ITPR1: variants seen among roughly 807,000 people sequenced by gnomAD.
ITPR1 encodes the protein inositol 1,4,5-trisphosphate receptor type 1, also known as inositol 1,4,5-trisphosphate-gated calcium channel ITPR1.
ITPR1 carries 96 observed loss-of-function variants against 318.4 expected under a neutral mutation model. That is an observed-to-expected ratio of 0.30 (90% CI 0.26 to 0.36). The LOEUF (loss-of-function observed/expected upper bound fraction) is 0.36, where lower values mean the gene tolerates loss of function less well. Ranked by LOEUF, ITPR1 falls within the 10% of genes least tolerant of loss-of-function variation. The pLI, the probability that ITPR1 is intolerant of heterozygous loss-of-function variation, is 1.00. For synonymous variants in ITPR1, 1,312 were observed against 1,289.9 expected, an observed-to-expected ratio of 1.02 and a Z score of -0.37; for missense variants, 2,440 against 3,460.2, an observed-to-expected ratio of 0.71 and a Z score of 7.40.
intron 43 of ITPR1, among the ~76,000 whole-genome samples, chr3:4,734,962 G>A (rs941475080): frequency 1.3e-5 from 2 of 152,180 alleles, no homozygotes; most frequent in South Asian, 4.1e-4. Flanking sequence ...CATCTCTGCT[G>A]CTGACAAGCT....
At chr3:4,580,941 C>G (rs1225929660) in intron 4 of ITPR1, among the ~76,000 whole-genome samples, 1 of 152,112 alleles carries the variant, frequency 6.6e-6, no homozygotes, top group Non-Finnish European at 1.5e-5. Context: ...TCTGTAAATA[C>G]CAATCACGTT....
chr3:4,627,713 GTC>G, intron 4 of ITPR1, 48 bp from the exon 5 acceptor site: 1 of 1,083,064 alleles, frequency 9.2e-7, no homozygotes, highest in Non-Finnish European at 1.4e-6. Flanking sequence ...CTTAGGCTGA[GTC>G]TCTATACACC....
intron 4 of ITPR1, among the ~76,000 whole-genome samples, chr3:4,545,622 C>CA (rs56829358): frequency 0.1 from 7,110 of 68,196 alleles, 403 homozygotes; most frequent in African/African-American, 0.17. Flanking sequence ...GACCCGGTCT[C>CA]AAAAAAAAAA....
chr3:4,745,381 T>C (rs1303759392), intron 44 of ITPR1, among the ~76,000 whole-genome samples: 1 of 152,182 alleles, frequency 6.6e-6, no homozygotes, highest in Non-Finnish European at 1.5e-5. Flanking sequence ...ATTGTATATG[T>C]AGCCTGAGAG....
At chr3:4,689,915 A>C (rs1445938815) in intron 31 of ITPR1, among the ~76,000 whole-genome samples, 1 of 152,240 alleles carries the variant, frequency 6.6e-6, no homozygotes, top group Non-Finnish European at 1.5e-5. Flanking sequence ...GCACGTTCTC[A>C]ACAAAGAATT....
chr3:4,717,542 A>C (rs939625964), intron 40 of ITPR1, 143 bp downstream of exon 40: 2 of 751,072 alleles, frequency 2.7e-6, no homozygotes, highest in African/African-American at 3.5e-5. Context: ...GAGTGAGTGG[A>C]GTCTGTCGTG....
Position 4,693,648 on chromosome 3 carries a change from G to C in ITPR1, c.4188G>C (p.Glu1396Asp). The C allele has an allele frequency of 6.2e-7, 1 of 1,614,034 alleles. No individual in the cohort carries two copies. The highest frequency in any genetic ancestry group is 8.5e-7 in the Non-Finnish European group (1 of 1,179,894). The change falls in exon 33 of 62, where the codon GAG (glutamate) becomes GAC (aspartate). Residue 1396 changes from glutamate to aspartate, a missense_variant. By Grantham distance (45) the Glu-to-Asp change is conservative. This residue lies in a region of ITPR1 where 222 missense variants were observed against 318.8 expected (regional missense o/e 0.70). Transcript: ENST00000649015. ...TCGAGCTCCTGGCTGTGTGCACGGA[G>C]GGTAAGAATGTCTACACAGAGATCA... ...HLVELLAVCTEGKNVYTEIKC... is the reference protein window; with the variant it reads ...HLVELLAVCTDGKNVYTEIKC...
intron 4 of ITPR1, among the ~76,000 whole-genome samples, chr3:4,550,182 T>G (rs1345257313): frequency 6.6e-6 from 1 of 151,036 alleles, no homozygotes; most frequent in Non-Finnish European, 1.5e-5. Flanking sequence ...TTCTGGCTAT[T>G]AAAAGTTCTC....
At chr3:4,541,017 A>G (rs1026872434) in intron 4 of ITPR1, among the ~76,000 whole-genome samples, 2 of 152,144 alleles carry the variant, frequency 1.3e-5, no homozygotes, top group African/African-American at 2.4e-5. Flanking sequence ...AATTAACCCT[A>G]AAGTTTATAA....
intron 44 of ITPR1, among the ~76,000 whole-genome samples, chr3:4,738,720 T>C (rs1422367452): frequency 2.6e-5 from 4 of 151,868 alleles, no homozygotes; most frequent in Non-Finnish European, 5.9e-5. Context: ...CTTTATCTTG[T>C]AAGGTCATTA....
In ITPR1 at chr3:4,826,541, C is replaced by CCCAG. The variant is rs781167979; in HGVS notation, c.8028+8312_8028+8315dup. ...TGTGTCAGCGTCACTGGACTCGCCGCCCAGCCAGCCAGCCAGGCCTCTCTC... is the reference window on the plus strand; with the variant it reads ...TGTGTCAGCGTCACTGGACTCGCCGCCCAGCCAGCCAGCCAGCCAGGCCTCTCTC... On this transcript the variant is annotated intron_variant, in intron 60 of 61. Transcript: ENST00000649015. The surrounding 1 kb of genome is among the most constrained non-coding windows in gnomAD (Gnocchi z 4.2). Among the ~76,000 whole-genome samples the CCCAG allele has an allele frequency of 3.5e-4, 53 of 152,150 alleles. No homozygotes were observed. The highest frequency in any genetic ancestry group is 8.3e-4 in the South Asian group (4 of 4,834).
At chr3:4,573,814 T>C (rs112187657) in intron 4 of ITPR1, among the ~76,000 whole-genome samples, 235 of 152,332 alleles carry the variant, frequency 1.5e-3, no homozygotes, top group African/African-American at 5.2e-3. Context: ...TACCGTACTT[T>C]CTTTTCCTCT....
intron 61 of ITPR1, among the ~76,000 whole-genome samples, chr3:4,843,394 G>A (rs568700567): frequency 7.9e-5 from 12 of 152,236 alleles, no homozygotes; most frequent in African/African-American, 2.2e-4. Context: ...GATCTTGTCC[G>A]ATTTTGGAGA....
intron 23 of ITPR1, 111 bp downstream of exon 23, chr3:4,675,359 C>T (rs1264805635): frequency 1.3e-6 from 1 of 753,500 alleles, no homozygotes; most frequent in Non-Finnish European, 2.1e-6. Context: ...TCATTCCTTC[C>T]CAACTTTTCA....
At chr3:4,638,532 C>T (rs143884290) in intron 5 of ITPR1, among the ~76,000 whole-genome samples, 1 of 152,344 alleles carries the variant, frequency 6.6e-6, no homozygotes, top group East Asian at 1.9e-4. Flanking sequence ...ATGGTAACCT[C>T]TCCCAGTCTC....
chr3:4,845,681 A>G (rs2051714387), intron 61 of ITPR1, among the ~76,000 whole-genome samples: 1 of 152,112 alleles, frequency 6.6e-6, no homozygotes, highest in African/African-American at 2.4e-5. Context: ...CCAACTACTC[A>G]AGAGTCATTG....
intron 21 of ITPR1, among the ~76,000 whole-genome samples, 173 bp downstream of exon 21, chr3:4,673,560 A>T (rs2094128306): frequency 6.6e-6 from 1 of 152,140 alleles, no homozygotes; most frequent in South Asian, 2.1e-4. Context: ...GAAAGATGGC[A>T]TGATTATGTT....
intron 40 of ITPR1, among the ~76,000 whole-genome samples, chr3:4,722,345 C>T (rs938471505): frequency 1.3e-5 from 2 of 152,134 alleles, no homozygotes; most frequent in African/African-American, 4.8e-5. Context: ...CTGGAGGTGC[C>T]AGCGCCTGAA....
At chr3:4,634,655 C>T (rs2093123713) in intron 5 of ITPR1, among the ~76,000 whole-genome samples, 1 of 152,152 alleles carries the variant, frequency 6.6e-6, no homozygotes, top group African/African-American at 2.4e-5. Context: ...AAATTGTGTT[C>T]CTCAAAGATA....
Sources: gnomAD v4.1 joint callset for allele counts (sites outside exome capture counted in the v4.1 genomes callset) on GRCh38, gnomAD v4.1.1 for gene constraint, gnomAD v4.1.1 regional missense constraint, Gnocchi (gnomAD v3.1) non-coding constraint, MANE v1.5 for transcripts, NCBI Gene and HGNC (gene_info 2026-07-23, HGNC 2026-07-21) for gene names.